CTTNBP2: variants seen among roughly 807,000 people sequenced by gnomAD.
The protein encoded by CTTNBP2 is cortactin-binding protein 2.
Under a neutral mutation model 156.9 loss-of-function variants are expected in CTTNBP2, and 108 were observed. That is an observed-to-expected ratio of 0.69 (90% confidence interval 0.59 to 0.81). The LOEUF (loss-of-function observed/expected upper bound fraction) is 0.81. Among genes scored for constraint, CTTNBP2 ranks in the 30% least tolerant of loss-of-function variants. The probability of loss-of-function intolerance (pLI) is 0.00; values close to 1 mark genes in which losing one functional copy is unlikely to be tolerated. For missense variants in CTTNBP2, 1,924 were observed against 2,035.4 expected, an observed-to-expected ratio of 0.95 and a Z score of 1.05; for synonymous variants, 767 against 751.8, an observed-to-expected ratio of 1.02 and a Z score of -0.33.
At chr7:117,828,048 G>A (rs111287332) in intron 2 of CTTNBP2, among the ~76,000 whole-genome samples, 7 of 152,224 alleles carry the variant, frequency 4.6e-5, no homozygotes, top group Non-Finnish European at 8.8e-5. Context: ...TAAACAGAAA[G>A]ATCTTAACAT....
chr7:117,838,649 A>G (rs1401130552), intron 2 of CTTNBP2, among the ~76,000 whole-genome samples: 3 of 152,192 alleles, frequency 2.0e-5, no homozygotes, highest in African/African-American at 7.2e-5. Flanking sequence ...CAAATGATCC[A>G]GCTTGGAAGA....
chr7:117,849,948 GAAC>G (rs1020211877), intron 2 of CTTNBP2, among the ~76,000 whole-genome samples: 2 of 152,164 alleles, frequency 1.3e-5, no homozygotes, highest in Non-Finnish European at 2.9e-5. Context: ...GTGTGACACA[GAAC>G]ACTTTCCTTA....
chr7:117,790,827 T>C (rs1798952086), intron 4 of CTTNBP2, among the ~76,000 whole-genome samples: 1 of 152,200 alleles, frequency 6.6e-6, no homozygotes, highest in Admixed American at 6.5e-5. Flanking sequence ...TTTTCTCCCA[T>C]GTAAATATTT....
chr7:117,873,309 C>G, intron 1 of CTTNBP2, 26 bp downstream of exon 1: 1 of 1,419,424 alleles, frequency 7.0e-7, no homozygotes. Flanking sequence ...ACACTAGCCC[C>G]GCGCCCGCCC....
In CTTNBP2 at chr7:117,847,705, A is replaced by G. The variant is rs561423692; in HGVS notation, c.189+13504T>C. Among the ~76,000 whole-genome samples, 36 of 152,190 alleles carry G rather than the reference A, an allele frequency of 2.4e-4. 1 individual carries two copies. The highest frequency in any genetic ancestry group is 2.1e-3 in the South Asian group (10 of 4,824). On this transcript the variant is annotated intron_variant, in intron 2 of 22. Transcript: ENST00000160373. ...ATGAGCAGTCATCATACATTCTGAC[A>G]GTGTCATAAGCCAAAATTATTTGAC...
At chr7:117,799,836 TAC>T (rs577203927) in intron 3 of CTTNBP2, among the ~76,000 whole-genome samples, 73 of 152,072 alleles carry the variant, frequency 4.8e-4, no homozygotes, top group Non-Finnish European at 9.4e-4. Flanking sequence ...AATGTGAACA[TAC>T]AAAGTCAATT....
chr7:117,830,964 T>G (rs1235378952), intron 2 of CTTNBP2, among the ~76,000 whole-genome samples: 1 of 150,068 alleles, frequency 6.7e-6, no homozygotes. Context: ...CACATGTAAG[T>G]TTTTTTTTTA....
At chr7:117,751,162 C>T (rs1464492685) in intron 12 of CTTNBP2, among the ~76,000 whole-genome samples, 1 of 152,120 alleles carries the variant, frequency 6.6e-6, no homozygotes, top group Non-Finnish European at 1.5e-5. Context: ...TTTTTTCCTC[C>T]ACAATGCTTT....
At chr7:117,799,011 T>C (rs191075237) in intron 3 of CTTNBP2, among the ~76,000 whole-genome samples, 4 of 151,944 alleles carry the variant, frequency 2.6e-5, no homozygotes, top group East Asian at 1.9e-4. Flanking sequence ...TGGCTTTATA[T>C]TTTTTTAACA....
chr7:117,763,755 G>A (rs1350728279), intron 9 of CTTNBP2, among the ~76,000 whole-genome samples: 2 of 151,494 alleles, frequency 1.3e-5, no homozygotes, highest in South Asian at 2.1e-4. Flanking sequence ...ATTTTTTGAA[G>A]AGATGGAGTT....
At position 117,728,175 on chromosome 7, in the gene CTTNBP2, G is replaced by T. The variant is rs747322754; in HGVS notation, c.3969C>A (p.Ala1323=). ...GAAGTGCTTCAGGTGTGCCCAAGCG[G>T]GCCAGGCAGGAGTTAAGCTGACGCC... ...SVWRQLNSCL[A]RLGTPEALLG... Residue 1323 remains alanine (A), a synonymous_variant, in exon 17 of 23, where the codon GCC becomes GCA. Transcript: ENST00000160373. 3 of 1,614,146 alleles carry T rather than the reference G, an allele frequency of 1.9e-6. No homozygotes were observed. The highest frequency in any genetic ancestry group is 2.2e-5 in the South Asian group (2 of 91,084).
chr7:117,724,511 C>T (rs749073919), intron 19 of CTTNBP2, 36 bp downstream of exon 19: 21 of 1,556,542 alleles, frequency 1.3e-5, no homozygotes, highest in Non-Finnish European at 1.8e-5. Context: ...GTATGTCCAC[C>T]TCCTGGTAGG....
intron 2 of CTTNBP2, among the ~76,000 whole-genome samples, chr7:117,823,507 T>C (rs1260129618): frequency 1.3e-5 from 2 of 152,234 alleles, no homozygotes; most frequent in Admixed American, 6.5e-5. Flanking sequence ...ATTTTCTTTG[T>C]ATTTATTTTA....
intron 2 of CTTNBP2, among the ~76,000 whole-genome samples, chr7:117,811,524 A>G (rs1800279910): frequency 2.0e-5 from 3 of 152,146 alleles, no homozygotes; most frequent in Admixed American, 2.0e-4. Context: ...GCTGGTCTCA[A>G]ACTCCTGGGC....
At chr7:117,841,969 A>C (rs1019771155) in intron 2 of CTTNBP2, among the ~76,000 whole-genome samples, 22 of 152,198 alleles carry the variant, frequency 1.4e-4, no homozygotes, top group Non-Finnish European at 2.5e-4. Flanking sequence ...AAGAAAAAGC[A>C]GTTCCCTGGC....
chr7:117,754,131 A>G (rs1192324292), intron 12 of CTTNBP2, among the ~76,000 whole-genome samples: 1 of 152,084 alleles, frequency 6.6e-6, no homozygotes, highest in African/African-American at 2.4e-5. Context: ...CATTTCCCAG[A>G]CTTCACTGTC....
In CTTNBP2 at chr7:117,732,522, C is replaced by T. The variant is rs534719291; in HGVS notation, c.3876+2391G>A. 4.8e-4 allele frequency among the ~76,000 whole-genome samples: 73 copies of T among 151,686 alleles called. 1 individual carries two copies. The highest frequency in any genetic ancestry group is 1.6e-3 in the African/African-American group (65 of 41,344). On this transcript the variant is annotated intron_variant, in intron 16 of 22. Coordinates refer to ENST00000160373, the MANE Select transcript of CTTNBP2 (RefSeq NM_033427.3). ...AAAATTAGCTGGGCGTGGTGGCGGG[C>T]GCCTGTAGTTCCAGCTACTCAGGAG... is the stretch of plus-strand genomic sequence containing the variant.
At chr7:117,806,162 G>A (rs1236947155) in intron 3 of CTTNBP2, among the ~76,000 whole-genome samples, 1 of 152,182 alleles carries the variant, frequency 6.6e-6, no homozygotes, top group East Asian at 1.9e-4. Context: ...GTGTGGAAGA[G>A]CTCAGAAGAA....
intron 3 of CTTNBP2, among the ~76,000 whole-genome samples, chr7:117,802,437 C>CAAAAAAAAA (rs759797673): frequency 3.6e-5 from 3 of 83,728 alleles, no homozygotes; most frequent in Non-Finnish European, 5.9e-5. Context: ...TCAGCATTGG[C>CAAAAAAAAA]AAAAAAAAAA....
Sources: allele counts gnomAD v4.1 joint callset (sites outside exome capture counted in the v4.1 genomes callset), GRCh38; gene constraint gnomAD v4.1.1; transcripts MANE v1.5; gene names NCBI Gene and HGNC (gene_info 2026-07-23, HGNC 2026-07-21).